Variants in MPPED1 observed in about 807,000 individuals in gnomAD.
MPPED1 encodes the protein metallophosphoesterase domain-containing protein 1.
Under a neutral mutation model 36.2 loss-of-function variants are expected in MPPED1, and 16 were observed. The ratio of observed to expected loss-of-function variants is 0.44; its 90% CI spans 0.30 to 0.67. The LOEUF (loss-of-function observed/expected upper bound fraction) is 0.67. Ranked by LOEUF, MPPED1 falls within the 30% of genes least tolerant of loss-of-function variation. The pLI, the probability that MPPED1 is intolerant of heterozygous loss-of-function variation, is 0.10. For synonymous variants in MPPED1, 199 were observed against 191.3 expected (o/e 1.04, Z -0.33); for missense variants, 307 against 453.4 (o/e 0.68, Z 2.93).
intron 3 of MPPED1, among the ~76,000 whole-genome samples, chr22:43,459,827 C>T (rs142274091): frequency 6.1e-4 from 93 of 152,252 alleles, no homozygotes; most frequent in African/African-American, 2.1e-3. Context: ...TCTGGGTTTC[C>T]GCAAGGACGA....
chr22:43,458,573 C>T (rs921781755), intron 3 of MPPED1, among the ~76,000 whole-genome samples: 20 of 152,152 alleles, frequency 1.3e-4, no homozygotes, highest in Non-Finnish European at 2.1e-4. Flanking sequence ...CATGAACCAC[C>T]GCGCCTGGCC....
At chr22:43,453,439 C>A (rs1930643855) in intron 3 of MPPED1, among the ~76,000 whole-genome samples, 2 of 152,070 alleles carry the variant, frequency 1.3e-5, no homozygotes, top group Non-Finnish European at 2.9e-5. Context: ...GGGTCTTTGG[C>A]CAAACCCAGC....
At chr22:43,452,889 G>A (rs983216445) in intron 3 of MPPED1, among the ~76,000 whole-genome samples, 2 of 151,668 alleles carry the variant, frequency 1.3e-5, no homozygotes, top group Admixed American at 6.6e-5. Context: ...ACCTCCCCAA[G>A]TGCCAAGATT....
chr22:43,444,872 G>T (rs1205682893), intron 3 of MPPED1, among the ~76,000 whole-genome samples: 2 of 152,158 alleles, frequency 1.3e-5, no homozygotes, highest in Non-Finnish European at 2.9e-5. Flanking sequence ...TTGTGTCAAA[G>T]AGTTGGAGAT....
At chr22:43,485,926 G>C (rs1569085537) in intron 4 of MPPED1, among the ~76,000 whole-genome samples, 1 of 152,224 alleles carries the variant, frequency 6.6e-6, no homozygotes, top group Non-Finnish European at 1.5e-5. Context: ...GCACTGCCCT[G>C]TCCCCTCTCG....
chr22:43,414,474 G>A (rs11705299), intron 1 of MPPED1, among the ~76,000 whole-genome samples: 32,866 of 152,110 alleles, frequency 0.22, 4,851 homozygotes, highest in East Asian at 0.61. Context: ...TCATCTTTTA[G>A]TCTATCAAAA....
intron 2 of MPPED1, among the ~76,000 whole-genome samples, chr22:43,429,832 G>A (rs78206846): frequency 0.016 from 2,427 of 152,330 alleles, 37 homozygotes; most frequent in Middle Eastern, 0.044. Flanking sequence ...TAATCCCTGG[G>A]TGTGGAGGAC....
chr22:43,425,332 C>G (rs1364718864), intron 2 of MPPED1, 123 bp downstream of exon 2: 1 of 1,417,402 alleles, frequency 7.1e-7, no homozygotes, highest in Non-Finnish European at 9.3e-7. Context: ...TTGACTGCAA[C>G]AATTCTGGAA....
intron 3 of MPPED1, among the ~76,000 whole-genome samples, chr22:43,470,082 C>CCCATCCAT (rs79499636): frequency 8.0e-5 from 12 of 149,628 alleles, no homozygotes; most frequent in Admixed American, 2.0e-4. Flanking sequence ...CATCCAGCCA[C>CCCATCCAT]CCATCCATCC....
chr22:43,460,274 C>A (rs944823860), intron 3 of MPPED1, among the ~76,000 whole-genome samples: 5 of 143,264 alleles, frequency 3.5e-5, no homozygotes, highest in African/African-American at 1.0e-4. Context: ...CCCCCCCCCC[C>A]AAACCCAAAG....
At chr22:43,458,200 A>G (rs1930821803) in intron 3 of MPPED1, among the ~76,000 whole-genome samples, 1 of 152,208 alleles carries the variant, frequency 6.6e-6, no homozygotes, top group Non-Finnish European at 1.5e-5. Flanking sequence ...CTCTGTCATT[A>G]ACAGTCCATG....
chr22:43,465,972 A>C (rs771419227), intron 3 of MPPED1, among the ~76,000 whole-genome samples: 1 of 152,296 alleles, frequency 6.6e-6, no homozygotes. Context: ...GGAGGTTCCC[A>C]CAAAGTCCTG....
chr22:43,490,180 C>A (rs1932039489), intron 4 of MPPED1, among the ~76,000 whole-genome samples: 1 of 152,228 alleles, frequency 6.6e-6, no homozygotes, highest in African/African-American at 2.4e-5. Flanking sequence ...GTCAGCTGCC[C>A]CCATGTCCCC....
At chr22:43,445,600 G>A (rs1601964564) in intron 3 of MPPED1, among the ~76,000 whole-genome samples, 1 of 122,858 alleles carries the variant, frequency 8.1e-6, no homozygotes, top group South Asian at 2.7e-4. Context: ...TCACTCTGTT[G>A]CCCAGTCTGG....
In MPPED1 at chr22:43,435,140, G is replaced by A. The variant is rs1040473110; in HGVS notation, c.331G>A (p.Asp111Asn). ...GGACCCCATCCAGATGCCGTACGGC[G>A]ACGTGCTGATCCACGCTGGGGACTT... ...RTDPIQMPYG[D>N]VLIHAGDFTE... The change falls in exon 3 of 7, where the codon GAC becomes AAC. Residue 111 changes from aspartate to asparagine, a missense_variant. Asp to Asn is a conservative substitution (Grantham distance 23, BLOSUM62 1). Coordinates refer to ENST00000443721, the MANE Select transcript of MPPED1 (RefSeq NM_001044370.2). 6.8e-6 allele frequency: 11 copies of A among 1,613,710 alleles called. No individual in the cohort carries two copies. Among genetic ancestry groups the A allele is most frequent in the Non-Finnish European group, 6.8e-6 (8 of 1,179,898 alleles).
chr22:43,445,727 T>C (rs1299753836), intron 3 of MPPED1, among the ~76,000 whole-genome samples: 1 of 148,474 alleles, frequency 6.7e-6, no homozygotes, highest in Non-Finnish European at 1.5e-5. Flanking sequence ...TGCACCACCA[T>C]GCCTGGCTAA....
At chr22:43,419,939 G>T (rs1006936926) in intron 1 of MPPED1, among the ~76,000 whole-genome samples, 6 of 152,236 alleles carry the variant, frequency 3.9e-5, no homozygotes, top group African/African-American at 7.2e-5. Context: ...TCTCTGAGAG[G>T]AAAACGGAAA....
At position 43,464,881 on chromosome 22, in the gene MPPED1, A is replaced by G. The variant is rs549398743; in HGVS notation, c.407-9855A>G. On this transcript the variant is annotated intron_variant, in intron 3 of 6. Coordinates refer to ENST00000443721, the MANE Select transcript of MPPED1 (RefSeq NM_001044370.2). ...GCAGGCCATGCCTTTTCCTTCCTTT[A>G]TTGCTGATTTCATGGGATGTCAGCC... Among the ~76,000 whole-genome samples the G allele has an allele frequency of 2.6e-4, 39 of 152,010 alleles. No individual in the cohort carries two copies. The Middle Eastern group carries it at 0.01, about 40-fold the overall frequency.
Position 43,442,762 on chromosome 22 carries a change from G to A in MPPED1, c.406+7547G>A, listed in dbSNP as rs117869190. On this transcript the variant is annotated intron_variant, in intron 3 of 6. Coordinates refer to ENST00000443721, the MANE Select transcript of MPPED1 (RefSeq NM_001044370.2). ...TGGCCTCCCTTCTCCCTCATGGAGC[G>A]TCCACCTCAATCAGATGAGACCGTG... 4.0e-3 allele frequency among the ~76,000 whole-genome samples: 606 copies of A among 152,306 alleles called. 9 individuals are homozygous for A. The highest frequency in any genetic ancestry group is 0.032 in the East Asian group (166 of 5,168).
Sources: gnomAD v4.1 joint callset for allele counts (sites outside exome capture counted in the v4.1 genomes callset) on GRCh38, gnomAD v4.1.1 for gene constraint, MANE v1.5 for transcripts, NCBI Gene and HGNC (gene_info 2026-07-23, HGNC 2026-07-21) for gene names.